Variants in ARHGAP23 observed in about 807,000 individuals in gnomAD.
ARHGAP23 encodes the protein rho GTPase-activating protein 23.
Under a neutral mutation model 136.3 loss-of-function variants are expected in ARHGAP23, and 34 were observed. The ratio of observed to expected loss-of-function variants is 0.25; its 90% confidence interval spans 0.19 to 0.33. The LOEUF is 0.33. Ranked by LOEUF, ARHGAP23 falls within the 10% of genes least tolerant of loss-of-function variation. ARHGAP23 has a pLI of 1.00. For missense variants in ARHGAP23, 1,808 were observed against 2,139.0 expected (o/e 0.85, Z 3.05); for synonymous variants, 832 against 920.5 (o/e 0.90, Z 1.74).
chr17:38,510,483 C>T lies in ARHGAP23; in HGVS notation c.3987C>T (p.Asp1329=). Reference sequence around the variant, plus strand: ...GCCGCCTGGCCCGGGGCCGCCCAGACGGCGAGGGCGCGGGCCGGGGCGGTC... The same window carrying T: ...GCCGCCTGGCCCGGGGCCGCCCAGATGGCGAGGGCGCGGGCCGGGGCGGTC... ...ARRRLARGRP[D]GEGAGRGGPR... The change falls in exon 24 of 24, where the codon GAC becomes GAT. Residue 1329 remains aspartate, a synonymous_variant. Transcript: ENST00000622683. The surrounding 1 kb of genome is among the most constrained non-coding windows in gnomAD (Gnocchi z 4.6). The T allele has an allele frequency of 8.4e-7, 1 of 1,183,654 alleles. No homozygotes were observed. The allele number at this position is 1,183,654 out of a possible 1,614,324, so 73.3% of individuals were successfully genotyped here.
At chr17:38,489,706 G>GT (rs1217967419) in intron 17 of ARHGAP23, 6 of 206,084 alleles carry the variant, frequency 2.9e-5, no homozygotes, top group African/African-American at 1.4e-4. Context: ...GTTCTGAAGG[G>GT]AGTTGGGGTA....
In ARHGAP23 at chr17:38,467,010, T is replaced by G; in HGVS notation, c.1327T>G (p.Phe443Val). The G allele has an allele frequency of 6.4e-7, 1 of 1,550,744 alleles. No individual in the cohort carries two copies. The highest frequency in any genetic ancestry group is 2.0e-5 in the Admixed American group (1 of 51,014). The change falls in exon 7 of 24, where the codon TTT becomes GTT. Residue 443 changes from phenylalanine (F) to valine (V), a missense_variant. By Grantham distance (50) the Phe-to-Val change is conservative (BLOSUM62 -1). Around this residue, in one of 7 missense-constraint regions of ARHGAP23, gnomAD observed 859 missense variants for 936.4 expected, o/e 0.92. Coordinates refer to ENST00000622683, the MANE Select transcript of ARHGAP23 (RefSeq NM_001199417.2). ...TGCGCTCTCCTTCCGGGACTCACCC[T>G]TTGGGGGGCTGCCTACCTTCAACCT... ...LHALSFRDSP[F>V]GGLPTFNLAQ...
intron 1 of ARHGAP23, among the ~76,000 whole-genome samples, chr17:38,420,130 C>T (rs935972963): frequency 6.6e-6 from 1 of 152,316 alleles, no homozygotes; most frequent in Non-Finnish European, 1.5e-5. Context: ...TGAAGACCCC[C>T]TCTGGTCAGA....
intron 20 of ARHGAP23, among the ~76,000 whole-genome samples, chr17:38,492,657 G>C (rs970016066): frequency 6.6e-6 from 1 of 152,226 alleles, no homozygotes; most frequent in Non-Finnish European, 1.5e-5. Context: ...GAGCAGCTGA[G>C]CCATGTTAAC....
At chr17:38,499,721 G>T (rs2040479142) in intron 22 of ARHGAP23, among the ~76,000 whole-genome samples, 1 of 152,128 alleles carries the variant, frequency 6.6e-6, no homozygotes, top group Non-Finnish European at 1.5e-5. Context: ...TTCTCACCTT[G>T]TGCAGGGGGA....
intron 1 of ARHGAP23, among the ~76,000 whole-genome samples, chr17:38,428,944 C>A (rs1410587040): frequency 6.7e-6 from 1 of 149,050 alleles, no homozygotes; most frequent in Non-Finnish European, 1.5e-5. Flanking sequence ...TTTCCGTTGG[C>A]GAGGCCCCGG....
upstream of ARHGAP23, among the ~76,000 whole-genome samples, chr17:38,427,225 G>A (rs1037386354): frequency 1.3e-5 from 2 of 152,228 alleles, no homozygotes; most frequent in African/African-American, 4.8e-5. Context: ...CACTTTGGGA[G>A]GCTGAGGCAG....
Position 38,466,274 on chromosome 17 carries a change from T to C in ARHGAP23, c.591T>C (p.Pro197=). The change falls in exon 7 of 24, where the codon CCT becomes CCC. Residue 197 remains proline (P), a synonymous_variant. Transcript: ENST00000622683. ...GCTACCCCCGCAAGACCTACGCCCC[T>C]CCTGCCCGGGCCTCCACCAGGGCCA... ...PICYPRKTYA[P]PARASTRATM... is the part of the protein sequence containing the mutation. 6.5e-7 allele frequency: 1 copy of C among 1,547,300 alleles called. No homozygotes were observed. Among genetic ancestry groups the C allele is most frequent in the Non-Finnish European group, 8.7e-7 (1 of 1,146,306 alleles).
At chr17:38,504,978 CTTTTTTTTTTTTTTTTTTTTTT>C (rs71138627) in intron 23 of ARHGAP23, among the ~76,000 whole-genome samples, 84 of 43,160 alleles carry the variant, frequency 1.9e-3, no homozygotes, top group South Asian at 3.5e-3. Flanking sequence ...CCCTTATCAT[CTTTTTTTTTTTTTTTTTTTTTT>C]TTTTTTTTTT....
intron 1 of ARHGAP23, among the ~76,000 whole-genome samples, chr17:38,419,752 C>A (rs139101587): frequency 6.6e-6 from 1 of 152,272 alleles, no homozygotes; most frequent in Non-Finnish European, 1.5e-5. Context: ...GCTCCCTGAA[C>A]CCAGGCCCAA....
rs1402305005 is a variant in ARHGAP23, at chr17:38,510,694, C to T, written c.4198C>T (p.Arg1400Trp). The change falls in exon 24 of 24, where the codon CGG becomes TGG. Residue 1400 changes from arginine (R) to tryptophan (W), a missense_variant. Arg to Trp is a moderately radical substitution (Grantham distance 101). Transcript: ENST00000622683. The surrounding 1 kb of genome is among the most constrained non-coding windows in gnomAD (Gnocchi z 4.6). ...RPLSPETRRR[R>W]SSWRRHTVVV... ...GCTGTCGCCCGAGACCCGGCGGCGC[C>T]GGAGCAGCTGGCGCCGCCACACCGT... 7.7e-6 allele frequency: 11 copies of T among 1,423,758 alleles called. No homozygotes were observed. The Admixed American group carries it at 1.4e-4, about 18-fold the overall frequency. The allele number at this position is 1,423,758 out of a possible 1,614,324, so 88.2% of individuals were successfully genotyped here.
chr17:38,444,020 T>A (rs2038977412), intron 1 of ARHGAP23, among the ~76,000 whole-genome samples: 1 of 152,118 alleles, frequency 6.6e-6, no homozygotes. Context: ...ATTGCAGGCA[T>A]TCCCCTGCCT....
intron 20 of ARHGAP23, 173 bp downstream of exon 20, chr17:38,491,705 G>A (rs1323810247): frequency 2.4e-6 from 2 of 819,222 alleles, no homozygotes. Flanking sequence ...TGCATTTCAA[G>A]GCAAGGCAGG....
At chr17:38,428,838 C>T (rs1456925535) in intron 1 of ARHGAP23, among the ~76,000 whole-genome samples, 1 of 152,136 alleles carries the variant, frequency 6.6e-6, no homozygotes, top group Non-Finnish European at 1.5e-5. Context: ...GTGCCAGGCC[C>T]CCAGCGGCTG....
At chr17:38,435,324 T>C (rs1238818260) in intron 1 of ARHGAP23, among the ~76,000 whole-genome samples, 9 of 152,014 alleles carry the variant, frequency 5.9e-5, no homozygotes, top group Admixed American at 1.3e-4. Flanking sequence ...GGTTGTTGAG[T>C]TGTCATAAGA....
chr17:38,456,142 CT>C (rs2039319857), intron 1 of ARHGAP23, among the ~76,000 whole-genome samples: 1 of 152,166 alleles, frequency 6.6e-6, no homozygotes, highest in African/African-American at 2.4e-5. Flanking sequence ...GCTCTGTCCC[CT>C]GGGGCTGTAT....
intron 1 of ARHGAP23, among the ~76,000 whole-genome samples, chr17:38,419,578 G>GCA (rs1422684906): frequency 5.9e-5 from 7 of 118,546 alleles, no homozygotes; most frequent in Admixed American, 4.8e-4. Context: ...GTGACACAGA[G>GCA]CTCACACACA....
chr17:38,490,534 C>T lies in ARHGAP23; in HGVS notation c.3133C>T (p.His1045Tyr), dbSNP rs1465914646. ...GGGCCATCTCAAGACCATCGCTGAC[C>T]ACTCTGAGAAAAACAAGGTGGGTAG... Reference protein sequence around the residue: ...LVGHLKTIADHSEKNKMEPRN... With the variant: ...LVGHLKTIADYSEKNKMEPRN... The change falls in exon 19 of 24, where the codon CAC (histidine) becomes TAC (tyrosine). Residue 1045 changes from histidine (H) to tyrosine (Y), a missense_variant. Physicochemically the swap from His to Tyr is moderately conservative, Grantham distance 83. Coordinates refer to ENST00000622683, the MANE Select transcript of ARHGAP23 (RefSeq NM_001199417.2). 6.5e-7 allele frequency: 1 copy of T among 1,547,860 alleles called. No individual in the cohort carries two copies. Among genetic ancestry groups the T allele is most frequent in the East Asian group, 2.4e-5 (1 of 40,908 alleles).
At chr17:38,471,714 G>A (rs1326777782) in intron 10 of ARHGAP23, 149 bp from the exon 11 acceptor site, 2 of 892,180 alleles carry the variant, frequency 2.2e-6, no homozygotes, top group South Asian at 1.8e-5. Context: ...GGTCCAGAGA[G>A]GACAAGCAAT....
Sources: allele counts gnomAD v4.1 joint callset (sites outside exome capture counted in the v4.1 genomes callset), GRCh38; gene constraint gnomAD v4.1.1; regional missense constraint gnomAD v4.1.1; non-coding constraint Gnocchi (gnomAD v3.1); transcripts MANE v1.5; gene names NCBI Gene and HGNC (gene_info 2026-07-23, HGNC 2026-07-21).